Variants in NKX6-1 observed in about 807,000 individuals in gnomAD.
The protein encoded by NKX6-1 is homeobox protein Nkx-6.1.
In NKX6-1, 11 loss-of-function variants were observed where a neutral mutation model predicts 24.9. That is an observed-to-expected ratio of 0.44 (90% confidence interval 0.28 to 0.73). The LOEUF (loss-of-function observed/expected upper bound fraction) is 0.73. NKX6-1 is among the 30% of genes least tolerant of loss of function. The probability of loss-of-function intolerance (pLI) is 0.15; values close to 1 mark genes in which losing one functional copy is unlikely to be tolerated. For missense variants in NKX6-1, 487 were observed against 502.9 expected (o/e 0.97, Z 0.30); for synonymous variants, 277 against 242.9 (o/e 1.14, Z -1.31).
chr4:84,493,172 G>A lies in NKX6-1; in HGVS notation c.*117C>T. ...AAATAGCAAAGGGTCCCCGCAGGCA[G>A]GGCCGGGTCCTCCGGGCCCCGAGGA... On this transcript the variant is annotated 3_prime_UTR_variant, in exon 3 of 3. Transcript: ENST00000295886. This position sits in a 1 kb window ranked among gnomAD's most constrained non-coding sequence, Gnocchi z 5.1. 2.1e-6 allele frequency: 2 copies of A among 954,806 alleles called. No individual in the cohort carries two copies. Among genetic ancestry groups the A allele is most frequent in the Non-Finnish European group, 2.8e-6 (2 of 709,144 alleles). 59.1% of individuals were successfully genotyped at this position (954,806 alleles called of 1,614,324 possible). A position where few individuals can be genotyped will look rare whatever the true frequency, so the allele number is the denominator to read the frequency against.
At chr4:84,495,907 G>A (rs1335974220) in intron 1 of NKX6-1, 63 bp from the exon 2 acceptor site, 2 of 1,534,880 alleles carry the variant, frequency 1.3e-6, no homozygotes, top group South Asian at 1.1e-5. Flanking sequence ...GGCTGCACTA[G>A]GGGGAAAAAA....
chr4:84,494,894 T>C (rs982075093), intron 2 of NKX6-1, among the ~76,000 whole-genome samples: 46 of 152,198 alleles, frequency 3.0e-4, no homozygotes, highest in African/African-American at 1.1e-3. Context: ...AACCATTAGA[T>C]TGAATTTACC....
intron 2 of NKX6-1, among the ~76,000 whole-genome samples, chr4:84,494,251 G>A (rs552393833): frequency 9.3e-5 from 14 of 150,258 alleles, no homozygotes; most frequent in African/African-American, 3.4e-4. Flanking sequence ...CCAAAGTAAA[G>A]TGAAGACTAG....
In NKX6-1 at chr4:84,497,580, C is replaced by A; in HGVS notation, c.649G>T (p.Ala217Ser). 7.9e-7 allele frequency: 1 copy of A among 1,265,942 alleles called. No individual in the cohort carries two copies. Among genetic ancestry groups the A allele is most frequent in the Non-Finnish European group, 1.0e-6 (1 of 999,556 alleles). 78.4% of individuals were successfully genotyped at this position (1,265,942 alleles called of 1,614,324 possible). Residue 217 changes from alanine to serine, a missense_variant, in exon 1 of 3, where the codon GCA becomes TCA. This residue lies in a region of NKX6-1 where 316 missense variants were observed against 311.4 expected (regional missense o/e 1.01). Coordinates refer to ENST00000295886, the MANE Select transcript of NKX6-1 (RefSeq NM_006168.3). This position sits in a 1 kb window ranked among gnomAD's most constrained non-coding sequence, Gnocchi z 4.8. ...GVMQSPPWRD[A>S]RLACTPHQGS... ...TCACGAGGGGTACAGGCCAGGCGTGCGTCCCTCCAGGGCGGGCTCTGCATC... is the reference window on the plus strand; with the variant it reads ...TCACGAGGGGTACAGGCCAGGCGTGAGTCCCTCCAGGGCGGGCTCTGCATC...
rs1328777475 is a variant in NKX6-1 at position 84,498,556 on chromosome 4, T to C, written c.-328A>G. ...CCTCACTTTTCCTAGCTGTTCAAAG[T>C]GCGCTACTTCTCATCTTCTGCCCCC... On this transcript the variant is annotated 5_prime_UTR_variant, in exon 1 of 3. Transcript: ENST00000295886. 4.2e-5 allele frequency: 13 copies of C among 308,766 alleles called. No individual in the cohort carries two copies. Among genetic ancestry groups the C allele is most frequent in the Non-Finnish European group, 7.1e-5 (12 of 169,264 alleles). The allele number at this position is 308,766 out of a possible 1,614,324, so 19.1% of individuals were successfully genotyped here. A position where few individuals can be genotyped will look rare whatever the true frequency, so the allele number is the denominator to read the frequency against.
In NKX6-1 at chr4:84,497,782, G is replaced by GGCGGCT; in HGVS notation, c.441_446dup (p.Ala149_Ala150dup). On this transcript the variant is annotated inframe_insertion, in exon 1 of 3. Transcript: ENST00000295886. This position sits in a 1 kb window ranked among gnomAD's most constrained non-coding sequence, Gnocchi z 4.8. The stretch of plus-strand genomic sequence containing the variant: ...CCAGCAGCCCCGCCGGGGATGAGGC[G>GGCGGCT]GCGGCTGCGGCCGCGGCAGCAGCCG... The GGCGGCT allele has an allele frequency of 7.9e-7, 1 of 1,273,166 alleles. No individual in the cohort carries two copies. Among genetic ancestry groups the GGCGGCT allele is most frequent in the Non-Finnish European group, 9.9e-7 (1 of 1,013,284 alleles). 78.9% of individuals were successfully genotyped at this position (1,273,166 alleles called of 1,614,324 possible).
Position 84,497,484 on chromosome 4 carries a change from A to C in NKX6-1, c.670+75T>G. 1 of 1,248,676 alleles carries C rather than the reference A, an allele frequency of 8.0e-7. No individual in the cohort carries two copies. The allele number at this position is 1,248,676 out of a possible 1,614,324, so 77.3% of individuals were successfully genotyped here. A position where few individuals can be genotyped will look rare whatever the true frequency, so the allele number is the denominator to read the frequency against. On this transcript the variant is annotated intron_variant, in intron 1 of 2. Coordinates refer to ENST00000295886, the MANE Select transcript of NKX6-1 (RefSeq NM_006168.3). This position sits in a 1 kb window ranked among gnomAD's most constrained non-coding sequence, Gnocchi z 4.8. ...ACAGGATGGACTGAGCGGCATGCAC[A>C]CCAGGGGCCGCGACCCGGGAGTGGG...
In NKX6-1 at chr4:84,493,619, C is replaced by T. The variant is rs534653127; in HGVS notation, c.844-70G>A. ...ATTAAACGAGCAGATCCAGGCCATG[C>T]TACCACTCCCGCATCTCGATGGCCC... On this transcript the variant is annotated intron_variant, in intron 2 of 2. Transcript: ENST00000295886. This position sits in a 1 kb window ranked among gnomAD's most constrained non-coding sequence, Gnocchi z 5.1. The T allele has an allele frequency of 1.3e-6, 2 of 1,562,112 alleles. No individual in the cohort carries two copies. The highest frequency in any genetic ancestry group is 1.7e-5 in the Admixed American group (1 of 57,192).
chr4:84,498,307 A>C lies in NKX6-1; in HGVS notation c.-79T>G. 7.9e-7 allele frequency: 1 copy of C among 1,265,372 alleles called. No individual in the cohort carries two copies. The highest frequency in any genetic ancestry group is 3.0e-5 in the East Asian group (1 of 33,576). The allele number at this position is 1,265,372 out of a possible 1,614,324, so 78.4% of individuals were successfully genotyped here. A position where few individuals can be genotyped will look rare whatever the true frequency, so the allele number is the denominator to read the frequency against. On this transcript the variant is annotated 5_prime_UTR_variant, in exon 1 of 3. Transcript: ENST00000295886. ...CCCCGCGGGGCTCAGAGGAGCCGGA[A>C]GCGCCGAGGGCGCGAGCGGAGAGGC...
Position 84,497,432 on chromosome 4 carries a change from G to A in NKX6-1, c.670+127C>T, listed in dbSNP as rs1400584500. The A allele has an allele frequency of 7.4e-6, 9 of 1,211,504 alleles. No homozygotes were observed. Among genetic ancestry groups the A allele is most frequent in the Admixed American group, 4.2e-5 (1 of 23,630 alleles). The allele number at this position is 1,211,504 out of a possible 1,614,324, so 75.0% of individuals were successfully genotyped here. A position where few individuals can be genotyped will look rare whatever the true frequency, so the allele number is the denominator to read the frequency against. ...GGCCCAACCTAACTGGTGTGATTCC[G>A]GCGCTGTCAAACTACTGGGGCGGGC... is the stretch of plus-strand genomic sequence containing the variant. On this transcript the variant is annotated intron_variant, in intron 1 of 2. Transcript: ENST00000295886. The surrounding 1 kb of genome is among the most constrained non-coding windows in gnomAD (Gnocchi z 4.8).
Position 84,497,664 on chromosome 4 carries a change from G to T in NKX6-1, c.565C>A (p.Arg189=). 7.8e-7 allele frequency: 1 copy of T among 1,275,258 alleles called. No homozygotes were observed. Among genetic ancestry groups the T allele is most frequent in the South Asian group, 3.2e-5 (1 of 30,792 alleles). The allele number at this position is 1,275,258 out of a possible 1,614,324, so 79.0% of individuals were successfully genotyped here. Residue 189 remains arginine (R), a synonymous_variant, in exon 1 of 3, where the codon CGG becomes AGG. Transcript: ENST00000295886. The surrounding 1 kb of genome is among the most constrained non-coding windows in gnomAD (Gnocchi z 4.8). Reference sequence around the variant, plus strand: ...AGCTCAGCCAGCGGCTTGGGGTACCGGCCCACGGCGGCCACGGCCGCGGCG... The same window carrying T: ...AGCTCAGCCAGCGGCTTGGGGTACCTGCCCACGGCGGCCACGGCCGCGGCG... ...PSAAAVAAVG[R]YPKPLAELPG...
chr4:84,498,130 G>C lies in NKX6-1; in HGVS notation c.99C>G (p.Thr33=), dbSNP rs1720867240. The part of the protein sequence containing the change: ...AALHSMAEMK[T]PLYPAAYPPL... ...GGGGATACGCGGCAGGGTACAGCGG[G>C]GTCTTCATCTCGGCCATGCTGTGCA... The change falls in exon 1 of 3, where the codon ACC becomes ACG. Residue 33 remains threonine (T), a synonymous_variant. Coordinates refer to ENST00000295886, the MANE Select transcript of NKX6-1 (RefSeq NM_006168.3). The C allele has an allele frequency of 7.8e-7, 1 of 1,290,070 alleles. No individual in the cohort carries two copies. Among genetic ancestry groups the C allele is most frequent in the South Asian group, 3.2e-5 (1 of 31,466 alleles). The allele number at this position is 1,290,070 out of a possible 1,614,324, so 79.9% of individuals were successfully genotyped here. A position where few individuals can be genotyped will look rare whatever the true frequency, so the allele number is the denominator to read the frequency against.
chr4:84,493,812 C>T lies in NKX6-1; in HGVS notation c.844-263G>A, dbSNP rs1720772150. Among the ~76,000 whole-genome samples, 1 of 152,260 alleles carries T rather than the reference C, an allele frequency of 6.6e-6. No homozygotes were observed. The highest frequency in any genetic ancestry group is 2.1e-4 in the South Asian group (1 of 4,824). On this transcript the variant is annotated intron_variant, in intron 2 of 2. Transcript: ENST00000295886. This position sits in a 1 kb window ranked among gnomAD's most constrained non-coding sequence, Gnocchi z 5.1. Reference sequence around the variant, plus strand: ...CAAGAGTATTGAGGTTGTCAGTGAGCGAGTTCTCAAAAGTAAAAACAAAAC... The same window carrying T: ...CAAGAGTATTGAGGTTGTCAGTGAGTGAGTTCTCAAAAGTAAAAACAAAAC...
Position 84,498,074 on chromosome 4 carries a change from G to T in NKX6-1, c.155C>A (p.Ser52Tyr). The change falls in exon 1 of 3, where the codon TCC becomes TAC. Residue 52 changes from serine to tyrosine, a missense_variant. Physicochemically the swap from Ser to Tyr is moderately radical, Grantham distance 144. This residue lies in a region of NKX6-1 where 316 missense variants were observed against 311.4 expected (regional missense o/e 1.01). Transcript: ENST00000295886. ...PLPAGPPSSS[S>Y]SSSSSSSPSP... ...GGGCGACGAGGAGGACGACGACGAG[G>T]ACGAGGAGGAGGGGGGGCCGGCAGG... The T allele has an allele frequency of 8.0e-7, 1 of 1,249,102 alleles. No individual in the cohort carries two copies. Among genetic ancestry groups the T allele is most frequent in the Non-Finnish European group, 1.0e-6 (1 of 995,742 alleles). 77.4% of individuals were successfully genotyped at this position (1,249,102 alleles called of 1,614,324 possible). A position where few individuals can be genotyped will look rare whatever the true frequency, so the allele number is the denominator to read the frequency against.
At chr4:84,496,786 C>G (rs1280228812) in intron 1 of NKX6-1, 1 of 152,422 alleles carries the variant, frequency 6.6e-6, no homozygotes, top group Non-Finnish European at 1.5e-5. Context: ...CTTCTCCTGG[C>G]TCGCTCTTGT....
At position 84,498,495 on chromosome 4, in the gene NKX6-1, G is replaced by T; in HGVS notation, c.-267C>A. 2.6e-6 allele frequency: 1 copy of T among 387,988 alleles called. No individual in the cohort carries two copies. Among genetic ancestry groups the T allele is most frequent in the Non-Finnish European group, 4.5e-6 (1 of 219,866 alleles). 24.0% of individuals were successfully genotyped at this position (387,988 alleles called of 1,614,324 possible). On this transcript the variant is annotated 5_prime_UTR_variant, in exon 1 of 3. Transcript: ENST00000295886. ...GCGGGCTAGGCAGTCCTTTCGTTCC[G>T]CGAGTCCTAGATTCGATCCCTGGCT...
chr4:84,495,633 G>C, intron 2 of NKX6-1, 39 bp downstream of exon 2: 1 of 1,585,852 alleles, frequency 6.3e-7, no homozygotes, highest in Non-Finnish European at 8.6e-7. Flanking sequence ...GCGCGACAGG[G>C]GCGGTACCTA....
intron 2 of NKX6-1, among the ~76,000 whole-genome samples, chr4:84,495,415 A>G (rs1578468157): frequency 6.6e-6 from 1 of 152,174 alleles, no homozygotes; most frequent in Admixed American, 6.5e-5. Flanking sequence ...ATGCTGCTAT[A>G]TAGATTAACC....
At position 84,493,655 on chromosome 4, in the gene NKX6-1, C is replaced by G; in HGVS notation, c.844-106G>C. ...GCATCTCGATGGCCCTCCCGCGGCCCCCCGAAGGCCTGCTGCCCTCCCTCG... is the reference window on the plus strand; with the variant it reads ...GCATCTCGATGGCCCTCCCGCGGCCGCCCGAAGGCCTGCTGCCCTCCCTCG... On this transcript the variant is annotated intron_variant, in intron 2 of 2. Coordinates refer to ENST00000295886, the MANE Select transcript of NKX6-1 (RefSeq NM_006168.3). This position sits in a 1 kb window ranked among gnomAD's most constrained non-coding sequence, Gnocchi z 5.1. 7.2e-7 allele frequency: 1 copy of G among 1,395,806 alleles called. No homozygotes were observed. The highest frequency in any genetic ancestry group is 1.4e-5 in the African/African-American group (1 of 70,246). 86.5% of individuals were successfully genotyped at this position (1,395,806 alleles called of 1,614,324 possible). A position where few individuals can be genotyped will look rare whatever the true frequency, so the allele number is the denominator to read the frequency against.
Sources: allele counts gnomAD v4.1 joint callset (sites outside exome capture counted in the v4.1 genomes callset), GRCh38; gene constraint gnomAD v4.1.1; regional missense constraint gnomAD v4.1.1; non-coding constraint Gnocchi (gnomAD v3.1); transcripts MANE v1.5; gene names NCBI Gene and HGNC (gene_info 2026-07-23, HGNC 2026-07-21).